The following PRICKLE2 variants were observed in gnomAD, a reference collection of about 807,000 sequenced individuals.
PRICKLE2 encodes the protein prickle-like protein 2.
Under a neutral mutation model 81.4 loss-of-function variants are expected in PRICKLE2, and 21 were observed. The ratio of observed to expected loss-of-function variants is 0.26; its 90% CI spans 0.18 to 0.37. The LOEUF is 0.37. PRICKLE2 is among the 10% of genes least tolerant of loss of function. The probability of loss-of-function intolerance (pLI) is 1.00; values close to 1 mark genes in which losing one functional copy is unlikely to be tolerated. For synonymous variants in PRICKLE2, 456 were observed against 421.5 expected (o/e 1.08, Z -1.00); for missense variants, 940 against 1,109.0 (o/e 0.85, Z 2.16).
At chr3:64,198,570 C>T in intron 2 of PRICKLE2, 1 of 631,320 alleles carries the variant, frequency 1.6e-6, no homozygotes, top group East Asian at 2.7e-5. Context: ...TTAATAATGA[C>T]AATACAGAAT....
intron 1 of PRICKLE2, chr3:64,199,210 A>C (rs2078522642): frequency 1.7e-6 from 1 of 594,482 alleles, no homozygotes; most frequent in African/African-American, 1.9e-5. Context: ...GGGTGTTTAC[A>C]TGTGGACCCC....
intron 2 of PRICKLE2, among the ~76,000 whole-genome samples, chr3:64,194,879 C>A (rs1234345919): frequency 6.6e-6 from 1 of 151,762 alleles, no homozygotes; most frequent in East Asian, 1.9e-4. Flanking sequence ...CCCTTCTGTA[C>A]AAAAAATACA....
upstream of PRICKLE2, among the ~76,000 whole-genome samples, chr3:64,229,916 C>T (rs749177557): frequency 8.5e-5 from 13 of 152,190 alleles, no homozygotes; most frequent in Non-Finnish European, 1.8e-4. Flanking sequence ...ATGTCAATGG[C>T]TTAACACAAG....
At chr3:64,195,479 A>T (rs1277211982) in intron 2 of PRICKLE2, among the ~76,000 whole-genome samples, 1 of 152,218 alleles carries the variant, frequency 6.6e-6, no homozygotes, top group East Asian at 1.9e-4. Context: ...CAAAAATGAA[A>T]GTACATTACT....
At chr3:64,228,687 C>T (rs766801287), upstream of PRICKLE2, among the ~76,000 whole-genome samples, 3 of 152,040 alleles carry the variant, frequency 2.0e-5, no homozygotes, top group Non-Finnish European at 4.4e-5. Context: ...AAACTTCATG[C>T]GAGTAAAGGC....
At position 64,257,925 on chromosome 3, in the gene PRICKLE2, C is replaced by G. The variant is rs140838346; in HGVS notation, c.129-58958G>C. 3.0e-3 allele frequency among the ~76,000 whole-genome samples: 449 copies of G among 152,024 alleles called. 4 individuals carry two copies. Among genetic ancestry groups the G allele is most frequent in the African/African-American group, 9.6e-3 (398 of 41,476 alleles). On this transcript the variant is annotated intron_variant, in intron 2 of 8. Coordinates refer to the PRICKLE2 transcript ENST00000295902. ...GGATTAGTGCTCTTATAAAAGAGAC[C>G]CCAAAGTGCTAGCTCTTCCCTTCCA...
In PRICKLE2 at chr3:64,097,749, C is replaced by T. The variant is rs2076591876; in HGVS notation, c.*1302G>A. On this transcript the variant is annotated 3_prime_UTR_variant, in exon 8 of 8. Coordinates refer to ENST00000638394, the MANE Select transcript of PRICKLE2 (RefSeq NM_198859.4). ...GATACTCTGGTTACTAAGCTGGTTA[C>T]ACTGGACTCTTTCTACAATCTCTGG... is the stretch of plus-strand genomic sequence containing the variant. The T allele has an allele frequency of 6.6e-6, 1 of 152,640 alleles. No homozygotes were observed. Among genetic ancestry groups the T allele is most frequent in the African/African-American group, 2.4e-5 (1 of 41,450 alleles). The allele number at this position is 152,640 out of a possible 1,614,324, so 9.5% of individuals were successfully genotyped here.
At chr3:64,251,978 A>C (rs936232886) in intron 2 of PRICKLE2, among the ~76,000 whole-genome samples, 1 of 152,150 alleles carries the variant, frequency 6.6e-6, no homozygotes, top group Non-Finnish European at 1.5e-5. Flanking sequence ...GCTTCTTGCC[A>C]TTTGCACATA....
At chr3:64,202,006 A>G (rs1176267115) in intron 1 of PRICKLE2, among the ~76,000 whole-genome samples, 1 of 152,034 alleles carries the variant, frequency 6.6e-6, no homozygotes, top group Non-Finnish European at 1.5e-5. Flanking sequence ...TTCCCATTGA[A>G]TTGTCTTGGT....
At chr3:64,168,019 G>C (rs1328629947) in intron 2 of PRICKLE2, among the ~76,000 whole-genome samples, 1 of 152,132 alleles carries the variant, frequency 6.6e-6, no homozygotes, top group Non-Finnish European at 1.5e-5. Context: ...GCCCAGAAAA[G>C]GGAAGAGAAC....
In PRICKLE2 at chr3:64,224,241, G is replaced by A. The variant is rs1008327095; in HGVS notation, c.-41+669C>T. Among the ~76,000 whole-genome samples the A allele has an allele frequency of 5.3e-5, 8 of 152,092 alleles. 1 individual carries two copies. The South Asian group carries it at 1.7e-3, about 32-fold the overall frequency. On this transcript the variant is annotated intron_variant, in intron 1 of 7. Transcript: ENST00000638394. ...CAAGACCACATAACAAAAAACCATG[G>A]GATTAAAAATCTGTATTTCATTGCA...
intron 2 of PRICKLE2, among the ~76,000 whole-genome samples, chr3:64,185,635 C>G (rs984468985): frequency 6.6e-6 from 1 of 152,166 alleles, no homozygotes; most frequent in African/African-American, 2.4e-5. Context: ...CTGAGCAGTT[C>G]TTTCTGACAA....
At chr3:64,198,295 C>T (rs977112551) in intron 2 of PRICKLE2, among the ~76,000 whole-genome samples, 5 of 151,514 alleles carry the variant, frequency 3.3e-5, no homozygotes, top group African/African-American at 1.2e-4. Flanking sequence ...AACTTTAAAA[C>T]GTTTTTGTTG....
In PRICKLE2 at chr3:64,099,222, G is replaced by A; in HGVS notation, c.2364C>T (p.Gly788=). The change falls in exon 8 of 8, where the codon GGC becomes GGT. Residue 788 remains glycine, a synonymous_variant. Coordinates refer to ENST00000638394, the MANE Select transcript of PRICKLE2 (RefSeq NM_198859.4). The surrounding 1 kb of genome is among the most constrained non-coding windows in gnomAD (Gnocchi z 4.3). ...CSSSSESDNE[G]YFLGEPIPQP... ...GGGGGATGGGTTCTCCTAGGAAATA[G>A]CCCTCGTTGTCAGACTCTGAAGAGG... 1 of 1,614,202 alleles carries A rather than the reference G, an allele frequency of 6.2e-7. No individual in the cohort carries two copies. The highest frequency in any genetic ancestry group is 8.5e-7 in the Non-Finnish European group (1 of 1,180,030).
At chr3:64,119,207 C>T (rs553525711) in intron 7 of PRICKLE2, among the ~76,000 whole-genome samples, 10 of 152,208 alleles carry the variant, frequency 6.6e-5, no homozygotes, top group African/African-American at 2.2e-4. Flanking sequence ...ACAACACACA[C>T]TGGGATCTAT....
intron 5 of PRICKLE2, 65 bp downstream of exon 5, chr3:64,157,097 C>T: frequency 5.5e-6 from 8 of 1,443,462 alleles, no homozygotes; most frequent in East Asian, 4.5e-5. Flanking sequence ...GCCAGAAGAC[C>T]ATGTGTTGGC....
intron 1 of PRICKLE2, among the ~76,000 whole-genome samples, chr3:64,201,489 C>T (rs1188289656): frequency 5.8e-4 from 88 of 152,114 alleles, no homozygotes; most frequent in Admixed American, 5.4e-3. Flanking sequence ...ATTTCCCTAA[C>T]GTCTAATGAT....
upstream of PRICKLE2, among the ~76,000 whole-genome samples, chr3:64,226,284 G>C (rs1050149367): frequency 3.9e-5 from 6 of 152,096 alleles, no homozygotes; most frequent in Non-Finnish European, 7.4e-5. Flanking sequence ...AATACCTTTG[G>C]GGTCTCCGAG....
intron 7 of PRICKLE2, among the ~76,000 whole-genome samples, chr3:64,113,752 A>G (rs1365754777): frequency 6.6e-6 from 1 of 151,968 alleles, no homozygotes; most frequent in Non-Finnish European, 1.5e-5. Flanking sequence ...TACTGCACAG[A>G]GAACAGCGGA....
Sources: allele counts gnomAD v4.1 joint callset (sites outside exome capture counted in the v4.1 genomes callset), GRCh38; gene constraint gnomAD v4.1.1; non-coding constraint Gnocchi (gnomAD v3.1); transcripts MANE v1.5; gene names NCBI Gene and HGNC (gene_info 2026-07-23, HGNC 2026-07-21).